Variants in AK5 observed in about 807,000 individuals in gnomAD.
AK5 encodes adenylate kinase 5.
Under a neutral mutation model 69.5 loss-of-function variants are expected in AK5, and 27 were observed. That is an observed-to-expected ratio of 0.39 (90% CI 0.29 to 0.54). The LOEUF (loss-of-function observed/expected upper bound fraction) is 0.54. Ranked by LOEUF, AK5 falls within the 20% of genes least tolerant of loss-of-function variation. The probability of loss-of-function intolerance (pLI) is 0.71; values close to 1 mark genes in which losing one functional copy is unlikely to be tolerated. For synonymous variants in AK5, 260 were observed against 244.4 expected (o/e 1.06, Z -0.60); for missense variants, 531 against 700.4 (o/e 0.76, Z 2.73).
chr1:77,470,044 C>A (rs1654367539), intron 8 of AK5, among the ~76,000 whole-genome samples: 1 of 152,156 alleles, frequency 6.6e-6, no homozygotes, highest in Non-Finnish European at 1.5e-5. Context: ...TCCAATATGC[C>A]TTTTTCCTCT....
At chr1:77,299,008 C>T (rs1659184556) in intron 5 of AK5, among the ~76,000 whole-genome samples, 1 of 152,144 alleles carries the variant, frequency 6.6e-6, no homozygotes, top group Non-Finnish European at 1.5e-5. Flanking sequence ...TCTATACTTA[C>T]ATGCATACAT....
intron 6 of AK5, among the ~76,000 whole-genome samples, chr1:77,391,497 A>G (rs4949797): frequency 0.21 from 1,399 of 6,648 alleles, 24 homozygotes; most frequent in African/African-American, 0.22. Flanking sequence ...GTGTGTGTGT[A>G]TATATATATA....
chr1:77,384,025 A>G (rs990473485), intron 6 of AK5, among the ~76,000 whole-genome samples: 3 of 152,158 alleles, frequency 2.0e-5, no homozygotes, highest in Non-Finnish European at 4.4e-5. Context: ...CATGAATATG[A>G]CAGTTTCTTC....
At chr1:77,411,636 A>T (rs1165529862) in intron 7 of AK5, among the ~76,000 whole-genome samples, 1 of 152,152 alleles carries the variant, frequency 6.6e-6, no homozygotes, top group African/African-American at 2.4e-5. Flanking sequence ...CCGTACTCTG[A>T]CCCTGAGCCA....
At chr1:77,395,893 T>C (rs1648800114) in intron 6 of AK5, among the ~76,000 whole-genome samples, 2 of 152,156 alleles carry the variant, frequency 1.3e-5, no homozygotes, top group South Asian at 4.1e-4. Context: ...CTCACTCCTC[T>C]TCATCCCCTC....
intron 6 of AK5, among the ~76,000 whole-genome samples, chr1:77,401,150 TG>T (rs1430878274): frequency 6.6e-6 from 1 of 152,180 alleles, no homozygotes; most frequent in Admixed American, 6.5e-5. Flanking sequence ...TCTCAATGGT[TG>T]TTACTCCATT....
intron 8 of AK5, among the ~76,000 whole-genome samples, chr1:77,452,805 G>A (rs1440757743): frequency 1.3e-5 from 2 of 152,164 alleles, no homozygotes; most frequent in African/African-American, 4.8e-5. Context: ...AAGAGTTCTT[G>A]TAATTTCCAA....
chr1:77,508,618 G>T (rs1657152933), intron 10 of AK5, among the ~76,000 whole-genome samples: 1 of 152,154 alleles, frequency 6.6e-6, no homozygotes, highest in South Asian at 2.1e-4. Flanking sequence ...TGTAATACCA[G>T]CACTTTGGGA....
At chr1:77,558,573 T>TAA (rs781581024) in intron 13 of AK5, 29 bp from the exon 14 acceptor site, 1 of 1,342,612 alleles carries the variant, frequency 7.4e-7, no homozygotes. Flanking sequence ...TATTTCAGAC[T>TAA]AACTCTCTTT....
chr1:77,413,276 C>T (rs1256288349), intron 7 of AK5, among the ~76,000 whole-genome samples: 1 of 152,144 alleles, frequency 6.6e-6, no homozygotes, highest in Non-Finnish European at 1.5e-5. Context: ...AATGCCTCTC[C>T]TCATTTGCAT....
intron 8 of AK5, among the ~76,000 whole-genome samples, chr1:77,471,838 T>A (rs1654528246): frequency 6.6e-6 from 1 of 152,248 alleles, no homozygotes. Flanking sequence ...AGTTTCAGTA[T>A]GTGTACACAT....
intron 8 of AK5, among the ~76,000 whole-genome samples, chr1:77,424,829 G>A (rs1171771560): frequency 6.6e-6 from 1 of 152,124 alleles, no homozygotes; most frequent in Non-Finnish European, 1.5e-5. Context: ...AAAAGAAAGA[G>A]AGTAATGAAC....
intron 6 of AK5, among the ~76,000 whole-genome samples, chr1:77,407,675 T>C (rs1253470514): frequency 1.3e-5 from 2 of 152,188 alleles, no homozygotes; most frequent in African/African-American, 2.4e-5. Flanking sequence ...GCAGATTTGC[T>C]ACCTGGGTAT....
At chr1:77,290,393 C>T (rs1658620752) in intron 2 of AK5, among the ~76,000 whole-genome samples, 1 of 152,094 alleles carries the variant, frequency 6.6e-6, no homozygotes, top group South Asian at 2.1e-4. Flanking sequence ...AAAATATTGC[C>T]ATAGCTATGT....
intron 6 of AK5, among the ~76,000 whole-genome samples, chr1:77,370,917 T>G (rs1297119012): frequency 6.6e-6 from 1 of 152,210 alleles, no homozygotes; most frequent in Non-Finnish European, 1.5e-5. Context: ...ATTGCTATCC[T>G]AAGTTGACAA....
Position 77,505,337 on chromosome 1 carries a change from G to C in AK5, c.1148-13227G>C, listed in dbSNP as rs546902597. ...TTTTCCATCAACAAGCTTATTTTCAGATGAGAATCCAGAAGCCCAAAGAGG... is the reference window on the plus strand; with the variant it reads ...TTTTCCATCAACAAGCTTATTTTCACATGAGAATCCAGAAGCCCAAAGAGG... On this transcript the variant is annotated intron_variant, in intron 10 of 13. Coordinates refer to ENST00000354567, the MANE Select transcript of AK5 (RefSeq NM_174858.3). Among the ~76,000 whole-genome samples the C allele has an allele frequency of 6.6e-5, 10 of 152,310 alleles. No homozygotes were observed. The East Asian group carries it at 1.5e-3, about 23-fold the overall frequency.
rs779228577 is a variant in AK5 at position 77,287,000 on chromosome 1, T to C, written c.120T>C (p.Ser40=). The C allele has an allele frequency of 1.6e-5, 25 of 1,607,192 alleles. No homozygotes were observed. Among genetic ancestry groups the C allele is most frequent in the Non-Finnish European group, 2.0e-5 (23 of 1,176,238 alleles). The change falls in exon 2 of 14, where the codon AGT becomes AGC. Residue 40 remains serine, a synonymous_variant. Coordinates refer to ENST00000354567, the MANE Select transcript of AK5 (RefSeq NM_174858.3). ...KPEDPVEYLE[S]CLQKVKELGG... is the part of the protein sequence containing the mutation. The stretch of plus-strand genomic sequence containing the variant: ...AAGATCCAGTAGAATACTTGGAAAG[T>C]TGTTTACAAAAAGTAAAGGAACTGG...
At chr1:77,367,551 T>C (rs1190078646) in intron 6 of AK5, among the ~76,000 whole-genome samples, 3 of 19,718 alleles carry the variant, frequency 1.5e-4, no homozygotes, top group African/African-American at 4.3e-4. Context: ...CTCATTTATG[T>C]TATTTTTATA....
intron 7 of AK5, among the ~76,000 whole-genome samples, chr1:77,416,894 A>G (rs985250937): frequency 2.0e-5 from 3 of 152,152 alleles, no homozygotes; most frequent in Admixed American, 6.5e-5. Flanking sequence ...GTTAGATGAT[A>G]TATATTTCCT....
Sources: allele counts gnomAD v4.1 joint callset (sites outside exome capture counted in the v4.1 genomes callset), GRCh38; gene constraint gnomAD v4.1.1; transcripts MANE v1.5; gene names NCBI Gene and HGNC (gene_info 2026-07-23, HGNC 2026-07-21).